LSAMP: variants seen among roughly 807,000 people sequenced by gnomAD.
LSAMP encodes the protein limbic system associated membrane protein, also known as limbic system-associated membrane protein.
LSAMP carries 7 observed loss-of-function variants against 38.6 expected under a neutral mutation model. The observed-to-expected ratio is 0.18, with a 90% confidence interval of 0.10 to 0.34. LSAMP has a LOEUF of 0.34. LSAMP is among the 10% of genes least tolerant of loss of function. LSAMP has a pLI of 1.00. For synonymous variants in LSAMP, 154 were observed against 166.8 expected (o/e 0.92, Z 0.59); for missense variants, 313 against 420.0 (o/e 0.75, Z 2.23).
chr3:115,869,996 T>C (rs1359352138), intron 3 of LSAMP, among the ~76,000 whole-genome samples: 1 of 152,096 alleles, frequency 6.6e-6, no homozygotes, highest in Non-Finnish European at 1.5e-5. Flanking sequence ...GTATAGCTCA[T>C]AGCTAAGAGT....
At chr3:116,336,680 G>A (rs2047923620) in intron 1 of LSAMP, among the ~76,000 whole-genome samples, 1 of 151,872 alleles carries the variant, frequency 6.6e-6, no homozygotes, top group South Asian at 2.1e-4. Flanking sequence ...GAACCCTTGG[G>A]TACTGTTGGT....
intron 1 of LSAMP, among the ~76,000 whole-genome samples, chr3:116,171,713 A>G (rs1710203858): frequency 6.6e-6 from 1 of 152,128 alleles, no homozygotes; most frequent in Admixed American, 6.6e-5. Context: ...CTGAGAAGCC[A>G]TCATCCATGG....
Position 116,299,893 on chromosome 3 carries a change from A to C in LSAMP, c.155+144984T>G, listed in dbSNP as rs148959113. 2.5e-3 allele frequency among the ~76,000 whole-genome samples: 383 copies of C among 152,344 alleles called. 1 individual carries two copies. Among genetic ancestry groups the C allele is most frequent in the African/African-American group, 8.8e-3 (365 of 41,580 alleles). On this transcript the variant is annotated intron_variant, in intron 1 of 6. Coordinates refer to ENST00000490035, the MANE Select transcript of LSAMP (RefSeq NM_002338.5). ...AACAGCTTGCTGCAACCACAGCCAC[A>C]AGTCAGGTAAGCATTGAGCCTGACA...
rs895682462 is a variant in LSAMP, at chr3:115,856,628, A to G, written c.515-4011T>C. Among the ~76,000 whole-genome samples, 51 of 151,904 alleles carry G rather than the reference A, an allele frequency of 3.4e-4. 3 individuals are homozygous for G. Among genetic ancestry groups the G allele is most frequent in the Admixed American group, 6.6e-5 (1 of 15,262 alleles). On this transcript the variant is annotated intron_variant, in intron 3 of 6. Transcript: ENST00000490035. ...AGCAAGACTCCATCTCAAAAAAAAA[A>G]AAAAGAAAAGAAAACAGAAACTCCA...
At chr3:116,363,777 T>C (rs1329716043) in intron 1 of LSAMP, among the ~76,000 whole-genome samples, 2 of 149,778 alleles carry the variant, frequency 1.3e-5, no homozygotes, top group African/African-American at 5.0e-5. Context: ...ATTATCTCAA[T>C]AGATGCAGAA....
intron 1 of LSAMP, among the ~76,000 whole-genome samples, chr3:116,315,475 C>T (rs528503636): frequency 6.6e-6 from 1 of 152,234 alleles, no homozygotes; most frequent in South Asian, 2.1e-4. Context: ...AGCTGTTAAA[C>T]TCTTCAATCA....
chr3:116,397,457 T>A (rs997793775), intron 1 of LSAMP, among the ~76,000 whole-genome samples: 4 of 150,532 alleles, frequency 2.7e-5, no homozygotes, highest in Admixed American at 1.3e-4. Context: ...TAATTTTTGT[T>A]CTTCATAGTA....
chr3:115,977,541 C>T (rs1939225313), intron 3 of LSAMP, among the ~76,000 whole-genome samples: 1 of 152,172 alleles, frequency 6.6e-6, no homozygotes, highest in African/African-American at 2.4e-5. Context: ...AATTCCTTTG[C>T]TCAGATTTTG....
intron 1 of LSAMP, among the ~76,000 whole-genome samples, chr3:116,244,660 T>C (rs1324810324): frequency 6.6e-6 from 1 of 152,194 alleles, no homozygotes; most frequent in Non-Finnish European, 1.5e-5. Context: ...CATCATCAGA[T>C]AGTGTTATTT....
At chr3:116,210,006 G>C (rs991928958) in intron 1 of LSAMP, among the ~76,000 whole-genome samples, 1 of 152,118 alleles carries the variant, frequency 6.6e-6, no homozygotes, top group Non-Finnish European at 1.5e-5. Context: ...CGCCCACCTC[G>C]GCCTCGCAAA....
At chr3:116,444,735 C>A in intron 1 of LSAMP, 142 bp downstream of exon 1, 1 of 1,071,816 alleles carries the variant, frequency 9.3e-7, no homozygotes, top group Non-Finnish European at 1.4e-6. Context: ...ACACACCACA[C>A]ACACACACAC....
intron 6 of LSAMP, among the ~76,000 whole-genome samples, chr3:115,831,263 T>C (rs1348233602): frequency 6.6e-6 from 1 of 152,120 alleles, no homozygotes; most frequent in Non-Finnish European, 1.5e-5. Context: ...AATAATCAGA[T>C]GGGAGGCAAA....
intron 3 of LSAMP, among the ~76,000 whole-genome samples, chr3:115,906,203 T>G (rs1937003932): frequency 6.6e-6 from 1 of 152,200 alleles, no homozygotes; most frequent in South Asian, 2.1e-4. Context: ...GATGGAGTTC[T>G]GCCATTTATA....
chr3:116,274,018 C>A (rs537234229), intron 1 of LSAMP, among the ~76,000 whole-genome samples: 1 of 151,852 alleles, frequency 6.6e-6, no homozygotes, highest in East Asian at 2.0e-4. Context: ...TACAGCACTT[C>A]TCCTCTGTGT....
chr3:115,823,884 G>C (rs934237404), intron 6 of LSAMP, among the ~76,000 whole-genome samples: 1 of 152,220 alleles, frequency 6.6e-6, no homozygotes, highest in African/African-American at 2.4e-5. Context: ...CTACTGACCA[G>C]AGGCTTGATG....
At chr3:116,091,884 A>G (rs1253133265) in intron 1 of LSAMP, among the ~76,000 whole-genome samples, 2 of 152,216 alleles carry the variant, frequency 1.3e-5, no homozygotes, top group Non-Finnish European at 2.9e-5. Flanking sequence ...AAGGCAGCTG[A>G]GGACATGGAC....
At chr3:116,377,003 C>G (rs2048502395) in intron 1 of LSAMP, among the ~76,000 whole-genome samples, 1 of 151,878 alleles carries the variant, frequency 6.6e-6, no homozygotes, top group Non-Finnish European at 1.5e-5. Flanking sequence ...CCTCTTTATT[C>G]CCTCTTTTCT....
At chr3:115,925,650 C>A (rs1355831826) in intron 3 of LSAMP, among the ~76,000 whole-genome samples, 2 of 152,088 alleles carry the variant, frequency 1.3e-5, no homozygotes, top group Admixed American at 1.3e-4. Context: ...TATGAACTGA[C>A]CCTGAAACAC....
chr3:116,422,655 TA>T (rs2049143209), intron 1 of LSAMP, among the ~76,000 whole-genome samples: 1 of 152,226 alleles, frequency 6.6e-6, no homozygotes, highest in African/African-American at 2.4e-5. Flanking sequence ...ATTCTAAAAC[TA>T]GATTGTGATG....
Sources: gnomAD v4.1 joint callset for allele counts (sites outside exome capture counted in the v4.1 genomes callset) on GRCh38, gnomAD v4.1.1 for gene constraint, MANE v1.5 for transcripts, NCBI Gene and HGNC (gene_info 2026-07-23, HGNC 2026-07-21) for gene names.